The following NHSL2 variants were observed in gnomAD, a reference collection of about 807,000 sequenced individuals.
NHSL2 encodes NHS-like protein 2.
A neutral mutation model predicts 53.4 loss-of-function variants in NHSL2; 27 were observed. That is an observed-to-expected ratio of 0.51 (90% confidence interval 0.37 to 0.70). NHSL2 has a LOEUF of 0.70. Among genes scored for constraint, NHSL2 ranks in the 30% least tolerant of loss-of-function variants. The probability of loss-of-function intolerance (pLI) is 0.00; values close to 1 mark genes in which losing one functional copy is unlikely to be tolerated. For missense variants in NHSL2, 892 were observed against 980.1 expected, an observed-to-expected ratio of 0.91 and a Z score of 1.20; for synonymous variants, 408 against 404.1, an observed-to-expected ratio of 1.01 and a Z score of -0.12.
In NHSL2 at chrX:72,142,304, A is replaced by T; in HGVS notation, c.3296A>T (p.Asp1099Val). The change falls in exon 7 of 8, where the codon GAT becomes GTT. Residue 1099 changes from aspartate to valine, a missense_variant. By Grantham distance (152) the Asp-to-Val change is radical. Coordinates refer to ENST00000633930, the MANE Select transcript of NHSL2 (RefSeq NM_001013627.3). The stretch of plus-strand genomic sequence containing the variant: ...AAAACAGCTGAATGGATTGCAGAGG[A>T]TGATGATGACGTGTTTGTGGCTTCA... Reference protein sequence around the residue: ...SDKTAEWIAEDDDDVFVASRT... With the variant: ...SDKTAEWIAEVDDDVFVASRT... 8.6e-7 allele frequency: 1 copy of T among 1,158,478 alleles called. No homozygotes were observed. The highest frequency in any genetic ancestry group is 1.2e-6 in the Non-Finnish European group (1 of 864,667).
At position 72,140,335 on chromosome X, in the gene NHSL2, C is replaced by T. The variant is rs41306117; in HGVS notation, c.2787C>T (p.Pro929=). 4,028 of 1,209,528 alleles carry T rather than the reference C, an allele frequency of 3.3e-3. 7 individuals are homozygous for T. The highest frequency in any genetic ancestry group is 4.0e-3 in the Non-Finnish European group (3,547 of 894,897). ...DSYTVVRKPK[P]SSFPDGRSPG... ...ACACGGTAGTGCGGAAACCAAAGCC[C>T]TCCAGCTTCCCAGATGGCAGAAGCC... The change falls in exon 6 of 8, where the codon CCC becomes CCT. Residue 929 remains proline, a synonymous_variant. Coordinates refer to ENST00000633930, the MANE Select transcript of NHSL2 (RefSeq NM_001013627.3).
intron 1 of NHSL2, among the ~76,000 whole-genome samples, chrX:72,107,654 G>C (rs1278394495): frequency 3.6e-5 from 4 of 112,114 alleles, no homozygotes; most frequent in Admixed American, 9.4e-5. Context: ...AGAGTCCCGG[G>C]GGGGTGTTGG....
At chrX:72,079,588 T>C (rs996079906) in intron 1 of NHSL2, among the ~76,000 whole-genome samples, 2 of 112,255 alleles carry the variant, frequency 1.8e-5, no homozygotes, top group Admixed American at 1.9e-4. Context: ...TTGGGGGAAA[T>C]TGAATGGAAT....
intron 1 of NHSL2, among the ~76,000 whole-genome samples, chrX:72,097,399 G>T (rs6624593): frequency 0.12 from 13,659 of 111,628 alleles, 1,076 homozygotes; most frequent in African/African-American, 0.29. Flanking sequence ...TCCTGCTACT[G>T]ATTGCACTGC....
Position 72,149,007 on chromosome X carries a change from A to G in NHSL2, c.*5433A>G, listed in dbSNP as rs1602411250. 1 of 110,448 alleles carries G rather than the reference A, an allele frequency of 9.1e-6. No individual in the cohort carries two copies. Among genetic ancestry groups the G allele is most frequent in the South Asian group, 3.9e-4 (1 of 2,552 alleles). The allele number at this position is 110,448 out of a possible 1,213,427, so 9.1% of individuals were successfully genotyped here. A position where few individuals can be genotyped will look rare whatever the true frequency, so the allele number is the denominator to read the frequency against. On this transcript the variant is annotated 3_prime_UTR_variant, in exon 8 of 8. Transcript: ENST00000633930. ...GGACCAGTCTCTGGCCAAGAGGTGT[A>G]TATTGTTATCTTGGTCAGGCATATG...
At position 72,018,937 on chromosome X, in the gene NHSL2, T is replaced by C. The variant is rs139337087; in HGVS notation, c.280+107570T>C. 2.3e-4 allele frequency among the ~76,000 whole-genome samples: 26 copies of C among 113,139 alleles called. No homozygotes were observed. In the East Asian group the frequency reaches 6.2e-3, roughly 27 times the overall value. ...TTTTTGATCCAGAAACGAAATGGAC[T>C]TCAAGATTCAGACACTGGGCAGAGT... is the stretch of plus-strand genomic sequence containing the variant. On this transcript the variant is annotated intron_variant, in intron 1 of 7. Transcript: ENST00000633930.
intron 1 of NHSL2, among the ~76,000 whole-genome samples, chrX:71,918,941 A>G (rs749236810): frequency 8.9e-6 from 1 of 112,216 alleles, no homozygotes; most frequent in South Asian, 3.7e-4. Flanking sequence ...AAATGCACAA[A>G]ATAATGCTGA....
chrX:71,951,623 G>A (rs970769714), intron 1 of NHSL2, among the ~76,000 whole-genome samples: 1 of 112,454 alleles, frequency 8.9e-6, no homozygotes, highest in East Asian at 2.8e-4. Context: ...GTGATGTTGA[G>A]CCTCTTTTCA....
At position 72,140,791 on chromosome X, in the gene NHSL2, G is replaced by C. The variant is rs1156675663; in HGVS notation, c.3223+20G>C. ...CTCTGGGTTAGTAAACTGTCTGCTG[G>C]CTTTTTCCTTCAGTCACAGGAGAGA... On this transcript the variant is annotated intron_variant, in intron 6 of 7. Transcript: ENST00000633930. The C allele has an allele frequency of 7.9e-6, 9 of 1,134,346 alleles. No homozygotes were observed. The highest frequency in any genetic ancestry group is 1.8e-5 in the African/African-American group (1 of 55,324). The allele number at this position is 1,134,346 out of a possible 1,213,427, so 93.5% of individuals were successfully genotyped here.
intron 1 of NHSL2, among the ~76,000 whole-genome samples, chrX:72,108,778 G>A (rs1038713821): frequency 8.9e-6 from 1 of 111,855 alleles, no homozygotes. Flanking sequence ...CAGGTTGCCG[G>A]CACTGTAGGC....
chrX:72,035,195 G>A (rs1172015982), intron 1 of NHSL2, among the ~76,000 whole-genome samples: 1 of 112,108 alleles, frequency 8.9e-6, no homozygotes, highest in African/African-American at 3.2e-5. Flanking sequence ...ATTTCCAGGT[G>A]TTTGGAGATT....
At chrX:72,026,311 C>G (rs1177118351) in intron 1 of NHSL2, among the ~76,000 whole-genome samples, 1 of 112,090 alleles carries the variant, frequency 8.9e-6, no homozygotes, top group East Asian at 2.8e-4. Flanking sequence ...AGTATTTTTT[C>G]TGCAGCTCCT....
intron 1 of NHSL2, among the ~76,000 whole-genome samples, chrX:71,990,510 G>T (rs757674951): frequency 2.2e-4 from 24 of 110,109 alleles, no homozygotes; most frequent in Admixed American, 1.9e-3. Context: ...TCCTTCACCC[G>T]TGGGCCACCC....
rs2042098707 is a variant in NHSL2, at chrX:72,007,377, C to A, written c.280+96010C>A. On this transcript the variant is annotated intron_variant, in intron 1 of 7. Coordinates refer to ENST00000633930, the MANE Select transcript of NHSL2 (RefSeq NM_001013627.3). Reference sequence around the variant, plus strand: ...CTTTGGTGCTAAGCTGTGCATGGAACCATGTCCTGCTGGGATCAAATGGCA... The same window carrying A: ...CTTTGGTGCTAAGCTGTGCATGGAAACATGTCCTGCTGGGATCAAATGGCA... 6.2e-5 allele frequency among the ~76,000 whole-genome samples: 7 copies of A among 112,704 alleles called. No homozygotes were observed. In the South Asian group the frequency reaches 2.5e-3, roughly 41 times the overall value.
At chrX:71,984,733 C>A (rs1481551032) in intron 1 of NHSL2, among the ~76,000 whole-genome samples, 1 of 112,082 alleles carries the variant, frequency 8.9e-6, no homozygotes, top group Non-Finnish European at 1.9e-5. Context: ...CTTTATTATA[C>A]CTGGTTGGAC....
intron 6 of NHSL2, among the ~76,000 whole-genome samples, chrX:72,142,007 A>G (rs760556652): frequency 9.0e-6 from 1 of 111,696 alleles, no homozygotes; most frequent in Non-Finnish European, 1.9e-5. Context: ...TGACAAAGAC[A>G]TGACAGAATA....
At chrX:72,069,429 G>T (rs1437793596) in intron 1 of NHSL2, among the ~76,000 whole-genome samples, 1 of 110,650 alleles carries the variant, frequency 9.0e-6, no homozygotes, top group Non-Finnish European at 1.9e-5. Flanking sequence ...GAGAGAGAGA[G>T]AGAGACTGAG....
chrX:71,927,616 G>C (rs751159862), intron 1 of NHSL2, among the ~76,000 whole-genome samples: 1 of 110,177 alleles, frequency 9.1e-6, no homozygotes, highest in South Asian at 4.0e-4. Context: ...GAGGGCAGCA[G>C]CGCAATCTCA....
chrX:72,062,867 C>T (rs2042406459), intron 1 of NHSL2, among the ~76,000 whole-genome samples: 1 of 112,107 alleles, frequency 8.9e-6, no homozygotes, highest in African/African-American at 3.2e-5. Flanking sequence ...CATCAGAGAA[C>T]CTGCTTGTTG....
Sources: allele counts gnomAD v4.1 joint callset (sites outside exome capture counted in the v4.1 genomes callset), GRCh38; gene constraint gnomAD v4.1.1; transcripts MANE v1.5; gene names NCBI Gene and HGNC (gene_info 2026-07-23, HGNC 2026-07-21).